SUSD5: variants seen among roughly 807,000 people sequenced by gnomAD.
SUSD5 encodes the protein sushi domain-containing protein 5.
Under a neutral mutation model 29.5 loss-of-function variants are expected in SUSD5, and 33 were observed. The observed-to-expected ratio is 1.12, with a 90% CI of 0.85 to 1.49. The LOEUF (loss-of-function observed/expected upper bound fraction) is 1.49, where lower values mean the gene tolerates loss of function less well. Among genes scored for constraint, SUSD5 ranks in the 40% most tolerant of loss-of-function variants. The pLI is 0.00. For synonymous variants in SUSD5, 308 were observed against 325.3 expected, an observed-to-expected ratio of 0.95 and a Z score of 0.57; for missense variants, 776 against 800.6, an observed-to-expected ratio of 0.97 and a Z score of 0.37.
chr3:33,172,994 G>A (rs1045879292), intron 4 of SUSD5, among the ~76,000 whole-genome samples: 2 of 152,164 alleles, frequency 1.3e-5, no homozygotes, highest in African/African-American at 4.8e-5. Context: ...GCCACAGAAT[G>A]AGAGAAAATA....
intron 2 of SUSD5, among the ~76,000 whole-genome samples, chr3:33,211,545 G>T (rs1421030369): frequency 6.6e-6 from 1 of 152,230 alleles, no homozygotes; most frequent in Non-Finnish European, 1.5e-5. Flanking sequence ...TGTAGCCTCA[G>T]TTGTCCCTTT....
chr3:33,163,094 A>G (rs1053443105), intron 4 of SUSD5, among the ~76,000 whole-genome samples: 1 of 152,168 alleles, frequency 6.6e-6, no homozygotes, highest in African/African-American at 2.4e-5. Flanking sequence ...GGATTTACCA[A>G]TGAATTCCAT....
At position 33,175,037 on chromosome 3, in the gene SUSD5, G is replaced by A; in HGVS notation, c.447C>T (p.Thr149=). The change falls in exon 4 of 5, where the codon ACC becomes ACT. Residue 149 remains threonine (T), a synonymous_variant. Coordinates refer to ENST00000309558, the MANE Select transcript of SUSD5 (RefSeq NM_015551.2). ...PCGDPPSFPH[T]ILQGRTGLEM... ...CCAAGCCGGTGCGGCCCTGCAGGAT[G>A]GTGTGTGGGAACGAAGGCGGGTCTC... 4 of 1,614,026 alleles carry A rather than the reference G, an allele frequency of 2.5e-6. No homozygotes were observed. The highest frequency in any genetic ancestry group is 3.4e-6 in the Non-Finnish European group (4 of 1,179,902).
In SUSD5 at chr3:33,150,230, G is replaced by T. The variant is rs1293312537; in HGVS notation, c.*2512C>A. The T allele has an allele frequency of 6.6e-6, 1 of 151,936 alleles. No individual in the cohort carries two copies. The highest frequency in any genetic ancestry group is 6.6e-5 in the Admixed American group (1 of 15,264). 9.4% of individuals were successfully genotyped at this position (151,936 alleles called of 1,614,324 possible). On this transcript the variant is annotated 3_prime_UTR_variant, in exon 5 of 5. Transcript: ENST00000309558. ...TAGATTCTATAACATTAATTTAGAG[G>T]ATACCACACCAATAAGAACTTAAAA...
At position 33,207,883 on chromosome 3, in the gene SUSD5, T is replaced by C. The variant is rs761145544; in HGVS notation, c.334A>G (p.Arg112Gly). 4 of 1,613,978 alleles carry C rather than the reference T, an allele frequency of 2.5e-6. No individual in the cohort carries two copies. The Admixed American group carries it at 6.7e-5, about 27-fold the overall frequency. ...SKGSGEQQIM[R>G]AVDVRIESNP... ...CTCTCAATTCTCACATCGACAGCTC[T>C]CATGATTTGCTGTTCTCCACTTCCT... Residue 112 changes from arginine (R) to glycine (G), a missense_variant, in exon 3 of 5, where the codon AGA (arginine) becomes GGA (glycine). Transcript: ENST00000309558.
In SUSD5 at chr3:33,152,575, C is replaced by G; in HGVS notation, c.*167G>C. The G allele has an allele frequency of 5.7e-6, 4 of 707,902 alleles. No individual in the cohort carries two copies. Among genetic ancestry groups the G allele is most frequent in the Non-Finnish European group, 6.9e-6 (3 of 434,100 alleles). The allele number at this position is 707,902 out of a possible 1,614,324, so 43.9% of individuals were successfully genotyped here. ...GAGTGATGATGTCACCAAAGCCTCC[C>G]TGCCCTCCCAGGTGCTCCAGAGACA... On this transcript the variant is annotated 3_prime_UTR_variant, in exon 5 of 5. Coordinates refer to ENST00000309558, the MANE Select transcript of SUSD5 (RefSeq NM_015551.2).
At chr3:33,162,917 CAA>C (rs35165045) in intron 4 of SUSD5, among the ~76,000 whole-genome samples, 4 of 133,430 alleles carry the variant, frequency 3.0e-5, no homozygotes, top group Non-Finnish European at 3.1e-5. Context: ...AACTCCATCT[CAA>C]AAAAAAAAAA....
intron 3 of SUSD5, among the ~76,000 whole-genome samples, chr3:33,191,419 T>C (rs11129547): frequency 0.73 from 110,281 of 151,696 alleles, 40,234 homozygotes; most frequent in East Asian, 0.83. Flanking sequence ...CGTGAGCCAC[T>C]GCACCCGGCC....
chr3:33,210,520 T>A (rs575992430), intron 2 of SUSD5, among the ~76,000 whole-genome samples: 2 of 152,372 alleles, frequency 1.3e-5, no homozygotes, highest in East Asian at 3.9e-4. Flanking sequence ...GAATTCATCA[T>A]TCTAGGCCTT....
chr3:33,213,517 G>T (rs2032362428), intron 2 of SUSD5, among the ~76,000 whole-genome samples: 2 of 152,178 alleles, frequency 1.3e-5, no homozygotes. Flanking sequence ...CACCAGGCGT[G>T]GTGGCTTACA....
chr3:33,181,458 C>T (rs879518109), intron 3 of SUSD5, among the ~76,000 whole-genome samples: 14 of 148,834 alleles, frequency 9.4e-5, no homozygotes, highest in Non-Finnish European at 2.1e-4. Context: ...GTGACATGAT[C>T]GTGGCTCACT....
intron 2 of SUSD5, among the ~76,000 whole-genome samples, chr3:33,208,821 C>A (rs955639968): frequency 6.6e-6 from 1 of 152,202 alleles, no homozygotes; most frequent in Non-Finnish European, 1.5e-5. Context: ...ACTTAAAATA[C>A]TTCCCACTTA....
At position 33,167,094 on chromosome 3, in the gene SUSD5, G is replaced by A. The variant is rs571173403; in HGVS notation, c.598+7792C>T. 7.2e-5 allele frequency among the ~76,000 whole-genome samples: 11 copies of A among 152,086 alleles called. No individual in the cohort carries two copies. The highest frequency in any genetic ancestry group is 2.7e-4 in the African/African-American group (11 of 41,500). The stretch of plus-strand genomic sequence containing the variant: ...CTCAGGACGCTGAGGCAGAAGAACA[G>A]CTTGAACCCGGGAGGCGGAGGGTGC... On this transcript the variant is annotated intron_variant, in intron 4 of 4. Transcript: ENST00000309558. This position sits in a 1 kb window ranked among gnomAD's most constrained non-coding sequence, Gnocchi z 4.1.
chr3:33,202,274 C>G (rs1461441875), intron 3 of SUSD5, among the ~76,000 whole-genome samples: 1 of 152,120 alleles, frequency 6.6e-6, no homozygotes, highest in Non-Finnish European at 1.5e-5. Context: ...TTAATTGGTT[C>G]CAATCTGGTA....
At position 33,207,856 on chromosome 3, in the gene SUSD5, T is replaced by C; in HGVS notation, c.361A>G (p.Asn121Asp). ...MRAVDVRIES[N>D]PVPGGTYSAL... is the part of the protein sequence containing the mutation. The stretch of plus-strand genomic sequence containing the variant: ...CTGTATGTGCCACCAGGAACTGGGT[T>C]GCTCTCAATTCTCACATCGACAGCT... The change falls in exon 3 of 5, where the codon AAC becomes GAC. Residue 121 changes from asparagine (N) to aspartate (D), a missense_variant. Physicochemically the swap from Asn to Asp is conservative, Grantham distance 23. Transcript: ENST00000309558. 6.2e-7 allele frequency: 1 copy of C among 1,614,006 alleles called. No individual in the cohort carries two copies. The highest frequency in any genetic ancestry group is 8.5e-7 in the Non-Finnish European group (1 of 1,179,874).
chr3:33,153,164 GCT>G lies in SUSD5; in HGVS notation c.1466_1467del (p.Glu489AlafsTer19). 6.2e-7 allele frequency: 1 copy of G among 1,613,864 alleles called. No individual in the cohort carries two copies. The highest frequency in any genetic ancestry group is 1.7e-5 in the Admixed American group (1 of 60,018). On this transcript the variant is annotated frameshift_variant, in exon 5 of 5. Coordinates refer to ENST00000309558, the MANE Select transcript of SUSD5 (RefSeq NM_015551.2). LOFTEE classifies it high-confidence loss of function. ...EESPMATLSYELTSSTLEILT... is the reference protein window; with the variant it reads ...EESPMATLSYXLTSSTLEILT... The stretch of plus-strand genomic sequence containing the variant: ...AATATCTCCAGGGTGGAGCTGGTGA[GCT>G]CATAGGACAGGGTGGCCATGGGAGA...
intron 3 of SUSD5, among the ~76,000 whole-genome samples, chr3:33,196,906 G>C (rs2032006719): frequency 6.6e-6 from 1 of 152,190 alleles, no homozygotes; most frequent in South Asian, 2.1e-4. Flanking sequence ...GTCTGGGTTT[G>C]AGTCCTTGCT....
Position 33,204,543 on chromosome 3 carries a change from G to A in SUSD5, c.409+3265C>T, listed in dbSNP as rs1419689937. ...TCACCATGTTAGCCAGGATGGTCTC[G>A]ATCTCCTGACCTCGTGATACACCCA... On this transcript the variant is annotated intron_variant, in intron 3 of 4. Transcript: ENST00000309558. This position sits in a 1 kb window ranked among gnomAD's most constrained non-coding sequence, Gnocchi z 4.5. Among the ~76,000 whole-genome samples, 1 of 151,908 alleles carries A rather than the reference G, an allele frequency of 6.6e-6. No homozygotes were observed. The highest frequency in any genetic ancestry group is 1.9e-4 in the East Asian group (1 of 5,176).
In SUSD5 at chr3:33,153,444, A is replaced by G. The variant is rs2030966252; in HGVS notation, c.1188T>C (p.Asp396=). The change falls in exon 5 of 5, where the codon GAT becomes GAC. Residue 396 remains aspartate (D), a synonymous_variant. Transcript: ENST00000309558. ...AEEEEDGDRG[D]GSVGLDENVL... ...CGTTTTCATCCAGCCCTACTGACCC[A>G]TCCCCTCTGTCCCCATCTTCTTCCT... 1 of 1,613,742 alleles carries G rather than the reference A, an allele frequency of 6.2e-7. No individual in the cohort carries two copies.
Sources: allele counts gnomAD v4.1 joint callset (sites outside exome capture counted in the v4.1 genomes callset), GRCh38; gene constraint gnomAD v4.1.1; non-coding constraint Gnocchi (gnomAD v3.1); transcripts MANE v1.5; gene names NCBI Gene and HGNC (gene_info 2026-07-23, HGNC 2026-07-21).